SIL1: variants seen among roughly 807,000 people sequenced by gnomAD.
SIL1 encodes nucleotide exchange factor SIL1.
SIL1 carries 40 observed loss-of-function variants against 49.1 expected under a neutral mutation model. The observed-to-expected ratio is 0.81, with a 90% CI of 0.63 to 1.06. The LOEUF (loss-of-function observed/expected upper bound fraction) is 1.06. SIL1 is among the 50% of genes least tolerant of loss of function. SIL1 has a pLI of 0.00. For missense variants in SIL1, 500 were observed against 572.6 expected, an observed-to-expected ratio of 0.87 and a Z score of 1.29; for synonymous variants, 253 against 250.8, an observed-to-expected ratio of 1.01 and a Z score of -0.08.
At chr5:139,003,614 T>C (rs1768042058) in intron 7 of SIL1, among the ~76,000 whole-genome samples, 3 of 152,234 alleles carry the variant, frequency 2.0e-5, no homozygotes, top group Admixed American at 1.3e-4. Context: ...AGACAGAAGA[T>C]GATGTCTCCT....
intron 3 of SIL1, 136 bp downstream of exon 3, chr5:139,120,899 C>T (rs1750613596): frequency 9.2e-7 from 1 of 1,084,112 alleles, no homozygotes; most frequent in African/African-American, 1.6e-5. Flanking sequence ...GCAGCAGCTA[C>T]CACTCTGACG....
chr5:138,952,797 C>T (rs1311472395), intron 7 of SIL1, among the ~76,000 whole-genome samples: 5 of 152,240 alleles, frequency 3.3e-5, no homozygotes, highest in African/African-American at 9.6e-5. Flanking sequence ...AGGGGCCTGG[C>T]GGGGACCCCC....
intron 1 of SIL1, chr5:139,128,152 G>A (rs1021653469): frequency 1.5e-5 from 6 of 399,904 alleles, no homozygotes; most frequent in Non-Finnish European, 2.9e-5. Context: ...TGTGGCGGGT[G>A]GTCTTGACTA....
chr5:138,993,600 T>G (rs1767802454), intron 7 of SIL1, among the ~76,000 whole-genome samples: 1 of 152,236 alleles, frequency 6.6e-6, no homozygotes, highest in African/African-American at 2.4e-5. Flanking sequence ...ACATCTGTTT[T>G]GCTGAGAAAC....
At chr5:138,963,758 G>C (rs564694568) in intron 7 of SIL1, among the ~76,000 whole-genome samples, 6 of 152,368 alleles carry the variant, frequency 3.9e-5, no homozygotes, top group Admixed American at 2.6e-4. Context: ...AGTTCAGAGA[G>C]GCAAGTGCAG....
chr5:139,056,607 C>T (rs1482520904), intron 3 of SIL1, among the ~76,000 whole-genome samples: 1 of 147,544 alleles, frequency 6.8e-6, no homozygotes, highest in Non-Finnish European at 1.5e-5. Flanking sequence ...GGGGGGTCAG[C>T]CCCCCGCCCG....
intron 3 of SIL1, among the ~76,000 whole-genome samples, chr5:139,080,842 T>C (rs1269985654): frequency 6.6e-6 from 1 of 152,224 alleles, no homozygotes; most frequent in Non-Finnish European, 1.5e-5. Context: ...GTTCAGAAAC[T>C]ATATTTAATA....
chr5:139,179,512 T>C (rs1751943949), intron 1 of SIL1, among the ~76,000 whole-genome samples: 1 of 152,120 alleles, frequency 6.6e-6, no homozygotes, highest in South Asian at 2.1e-4. Flanking sequence ...TTAAGGCCAT[T>C]TTCCCTCTAC....
chr5:138,951,969 C>A, intron 7 of SIL1, 85 bp from the exon 8 acceptor site: 1 of 1,212,316 alleles, frequency 8.2e-7, no homozygotes, highest in Non-Finnish European at 1.2e-6. Flanking sequence ...GTCAGCCATC[C>A]CTGGGGAGAA....
At chr5:139,133,847 C>T (rs574693642) in intron 1 of SIL1, among the ~76,000 whole-genome samples, 1 of 152,292 alleles carries the variant, frequency 6.6e-6, no homozygotes, top group African/African-American at 2.4e-5. Flanking sequence ...AAGGAAGAAA[C>T]TGAAGCAAAG....
chr5:139,120,932 A>G, intron 3 of SIL1, 103 bp downstream of exon 3: 1 of 1,437,334 alleles, frequency 7.0e-7, no homozygotes, highest in Non-Finnish European at 9.6e-7. Flanking sequence ...TCCCTCCCGC[A>G]GGCCAGAGAA....
intron 7 of SIL1, among the ~76,000 whole-genome samples, chr5:138,998,239 G>A (rs1485530785): frequency 1.3e-5 from 2 of 152,128 alleles, no homozygotes; most frequent in South Asian, 2.1e-4. Flanking sequence ...GAGTGTGGTG[G>A]TGTGATCACA....
chr5:139,140,859 C>A (rs1751065565), intron 1 of SIL1, among the ~76,000 whole-genome samples: 1 of 152,146 alleles, frequency 6.6e-6, no homozygotes. Context: ...TCTGTCATGA[C>A]CACATGCTAA....
chr5:139,002,084 A>T (rs571192353), intron 7 of SIL1, among the ~76,000 whole-genome samples: 36 of 151,852 alleles, frequency 2.4e-4, no homozygotes, highest in South Asian at 2.1e-3. Flanking sequence ...GGTGGCACTC[A>T]CCTGTAGTCC....
At chr5:138,988,811 T>C (rs1391235162) in intron 7 of SIL1, among the ~76,000 whole-genome samples, 1 of 152,130 alleles carries the variant, frequency 6.6e-6, no homozygotes, top group African/African-American at 2.4e-5. Context: ...AGGTTGAAGC[T>C]GCACTAAGCT....
chr5:139,175,849 G>C (rs751246953), intron 1 of SIL1, among the ~76,000 whole-genome samples: 2 of 152,190 alleles, frequency 1.3e-5, no homozygotes, highest in Non-Finnish European at 2.9e-5. Flanking sequence ...TGTGATCCCA[G>C]CTACTCAGGA....
Position 138,968,071 on chromosome 5 carries a change from C to T in SIL1, c.768-16187G>A, listed in dbSNP as rs555762572. Among the ~76,000 whole-genome samples, 316 of 152,214 alleles carry T rather than the reference C, an allele frequency of 2.1e-3. 1 individual carries two copies. Among genetic ancestry groups the T allele is most frequent in the African/African-American group, 7.1e-3 (296 of 41,528 alleles). Reference sequence around the variant, plus strand: ...CCTGGCCACTGGGCTATAACGAGCTCCAAACTGGGCCCACATCCAAGTCGG... The same window carrying T: ...CCTGGCCACTGGGCTATAACGAGCTTCAAACTGGGCCCACATCCAAGTCGG... On this transcript the variant is annotated intron_variant, in intron 7 of 9. Transcript: ENST00000394817.
chr5:139,097,069 T>C (rs1475639517), intron 3 of SIL1, among the ~76,000 whole-genome samples: 1 of 152,064 alleles, frequency 6.6e-6, no homozygotes, highest in African/African-American at 2.4e-5. Context: ...CCCATGGGCC[T>C]GTAGTGGTGG....
chr5:139,043,936 G>A (rs186102176), intron 4 of SIL1, among the ~76,000 whole-genome samples: 1 of 152,206 alleles, frequency 6.6e-6, no homozygotes, highest in African/African-American at 2.4e-5. Flanking sequence ...AGGAGGAAGG[G>A]GCTACTGGCC....
Sources: allele counts gnomAD v4.1 joint callset (sites outside exome capture counted in the v4.1 genomes callset), GRCh38; gene constraint gnomAD v4.1.1; transcripts MANE v1.5; gene names NCBI Gene and HGNC (gene_info 2026-07-23, HGNC 2026-07-21).